The following NRG3 variants were observed in gnomAD, a reference collection of about 807,000 sequenced individuals.
NRG3 encodes pro-neuregulin-3, membrane-bound isoform.
Under a neutral mutation model 66.9 loss-of-function variants are expected in NRG3, and 31 were observed. The ratio of observed to expected loss-of-function variants is 0.46; its 90% CI spans 0.35 to 0.63. The LOEUF is 0.63. Ranked by LOEUF, NRG3 falls within the 20% of genes least tolerant of loss-of-function variation. The pLI is 0.00. For missense variants in NRG3, 910 were observed against 878.9 expected (o/e 1.04, Z -0.45); for synonymous variants, 393 against 359.4 (o/e 1.09, Z -1.06).
At chr10:82,470,792 C>T (rs143316751) in intron 2 of NRG3, among the ~76,000 whole-genome samples, 13 of 152,294 alleles carry the variant, frequency 8.5e-5, no homozygotes, top group Middle Eastern at 3.4e-3. Flanking sequence ...AGAAACAAGT[C>T]TCAGCTCCAT....
At chr10:82,706,837 T>C (rs551955456) in intron 2 of NRG3, among the ~76,000 whole-genome samples, 80 of 151,624 alleles carry the variant, frequency 5.3e-4, no homozygotes, top group Admixed American at 9.2e-4. Context: ...CTACTAAAAA[T>C]GCAAAAATTA....
At chr10:82,342,897 C>G (rs1362824749) in intron 1 of NRG3, among the ~76,000 whole-genome samples, 2 of 151,968 alleles carry the variant, frequency 1.3e-5, no homozygotes, top group East Asian at 3.8e-4. Context: ...TTTACAGTTT[C>G]AAGTTTTACA....
chr10:81,875,535 G>T lies in NRG3; in HGVS notation c.195G>T (p.Thr65=), dbSNP rs749038864. The part of the protein sequence containing the change: ...SDCIVWNRQQ[T]WLCVVPLFIG... ...GCATCGTGTGGAACCGGCAGCAGAC[G>T]TGGCTGTGCGTGGTACCTCTGTTCA... is the stretch of plus-strand genomic sequence containing the variant. The change falls in exon 1 of 9, where the codon ACG becomes ACT. Residue 65 remains threonine, a synonymous_variant. Coordinates refer to ENST00000372141, the MANE Select transcript of NRG3 (RefSeq NM_001010848.4). This position sits in a 1 kb window ranked among gnomAD's most constrained non-coding sequence, Gnocchi z 5.3. The T allele has an allele frequency of 9.9e-6, 16 of 1,612,314 alleles. No homozygotes were observed. Among genetic ancestry groups the T allele is most frequent in the Admixed American group, 3.3e-5 (2 of 59,948 alleles).
intron 1 of NRG3, among the ~76,000 whole-genome samples, chr10:82,014,815 G>A (rs1011124136): frequency 6.6e-6 from 1 of 152,102 alleles, no homozygotes; most frequent in Non-Finnish European, 1.5e-5. Context: ...TTTATTCAGA[G>A]GAGCCTAGAA....
At chr10:82,396,533 C>T (rs374149685) in intron 2 of NRG3, among the ~76,000 whole-genome samples, 12 of 152,244 alleles carry the variant, frequency 7.9e-5, no homozygotes, top group South Asian at 6.2e-4. Context: ...ACACACTTGC[C>T]GTCTACTCAT....
At chr10:82,518,504 CT>C (rs1161141713) in intron 2 of NRG3, among the ~76,000 whole-genome samples, 3 of 152,150 alleles carry the variant, frequency 2.0e-5, no homozygotes, top group Admixed American at 2.0e-4. Context: ...CTGCTCCCCC[CT>C]ACACACATAT....
intron 3 of NRG3, among the ~76,000 whole-genome samples, chr10:82,741,551 CAGGCACTGTGCCAA>C (rs1406581910): frequency 6.6e-6 from 1 of 152,134 alleles, no homozygotes; most frequent in East Asian, 1.9e-4. Flanking sequence ...ATACATGTGC[CAGGCACTGTGCCAA>C]AGGCTTTACA....
chr10:82,254,578 A>T (rs2077626167), intron 1 of NRG3, among the ~76,000 whole-genome samples: 1 of 152,156 alleles, frequency 6.6e-6, no homozygotes, highest in Admixed American at 6.6e-5. Context: ...TTAAAGCAAG[A>T]AATATATATT....
At chr10:82,795,629 G>A (rs1424633652) in intron 3 of NRG3, among the ~76,000 whole-genome samples, 1 of 152,128 alleles carries the variant, frequency 6.6e-6, no homozygotes, top group Non-Finnish European at 1.5e-5. Context: ...CTGGGCAGGG[G>A]CAAAACACTG....
At chr10:82,158,032 C>G (rs1045226161) in intron 1 of NRG3, among the ~76,000 whole-genome samples, 1 of 151,526 alleles carries the variant, frequency 6.6e-6, no homozygotes, top group African/African-American at 2.4e-5. Context: ...CCTTTGTGTT[C>G]CTTTAGGATT....
intron 1 of NRG3, among the ~76,000 whole-genome samples, chr10:82,348,415 T>C (rs1470026505): frequency 4.5e-4 from 65 of 144,920 alleles, no homozygotes; most frequent in African/African-American, 1.6e-3. Flanking sequence ...TTCTGGCTTG[T>C]AGGGTTTCTG....
At chr10:82,536,505 A>T (rs1847827568) in intron 2 of NRG3, among the ~76,000 whole-genome samples, 1 of 152,090 alleles carries the variant, frequency 6.6e-6, no homozygotes, top group Non-Finnish European at 1.5e-5. Context: ...TGGGGAATTG[A>T]GGTGTCTGAT....
chr10:82,362,548 G>GTTTTTTTTTGTTTTT (rs2084239481), intron 2 of NRG3, among the ~76,000 whole-genome samples: 1 of 83,186 alleles, frequency 1.2e-5, no homozygotes, highest in Non-Finnish European at 2.2e-5. Context: ...TAATTTCTGG[G>GTTTTTTTTTGTTTTT]TTTTTTTTTT....
chr10:82,852,153 G>C (rs1478407320), intron 3 of NRG3, among the ~76,000 whole-genome samples: 3 of 152,176 alleles, frequency 2.0e-5, no homozygotes, highest in Non-Finnish European at 4.4e-5. Context: ...AAGGTGGACT[G>C]TTTTCTGTGG....
chr10:82,403,948 A>G (rs1404795158), intron 2 of NRG3, among the ~76,000 whole-genome samples: 2 of 152,114 alleles, frequency 1.3e-5, no homozygotes, highest in Admixed American at 6.5e-5. Flanking sequence ...ATGAAAAACA[A>G]TTTTGTATGC....
At chr10:82,721,702 C>G (rs1408590524) in intron 2 of NRG3, among the ~76,000 whole-genome samples, 1 of 152,204 alleles carries the variant, frequency 6.6e-6, no homozygotes, top group Non-Finnish European at 1.5e-5. Flanking sequence ...GGATTACAGG[C>G]GTGAGCTACC....
intron 4 of NRG3, among the ~76,000 whole-genome samples, chr10:82,879,096 T>C (rs1248496756): frequency 1.3e-5 from 2 of 152,228 alleles, no homozygotes; most frequent in African/African-American, 4.8e-5. Context: ...ACTTCTTTTG[T>C]TTCTCCACTG....
At chr10:82,710,334 A>G (rs1053235333) in intron 2 of NRG3, among the ~76,000 whole-genome samples, 3 of 152,048 alleles carry the variant, frequency 2.0e-5, no homozygotes, top group Non-Finnish European at 4.4e-5. Flanking sequence ...ACATGTAATC[A>G]CAGCACTTTG....
intron 1 of NRG3, among the ~76,000 whole-genome samples, chr10:81,966,698 T>C (rs138848725): frequency 2.0e-5 from 3 of 152,284 alleles, no homozygotes; most frequent in Admixed American, 2.0e-4. Context: ...CAGTGCAGGC[T>C]TGATTTCTTC....
Sources: gnomAD v4.1 joint callset for allele counts (sites outside exome capture counted in the v4.1 genomes callset) on GRCh38, gnomAD v4.1.1 for gene constraint, Gnocchi (gnomAD v3.1) non-coding constraint, MANE v1.5 for transcripts, NCBI Gene and HGNC (gene_info 2026-07-23, HGNC 2026-07-21) for gene names.